LITAF: variants seen among roughly 807,000 people sequenced by gnomAD.
The protein encoded by LITAF is lipopolysaccharide induced TNF factor, also known as lipopolysaccharide-induced tumor necrosis factor-alpha factor.
LITAF carries 9 observed loss-of-function variants against 14.5 expected under a neutral mutation model. The ratio of observed to expected loss-of-function variants is 0.62; its 90% CI spans 0.37 to 1.08. LITAF has a LOEUF of 1.08. Ranked by LOEUF, LITAF falls within the 50% of genes least tolerant of loss-of-function variation. LITAF has a pLI of 0.01. For missense variants in LITAF, 206 were observed against 213.4 expected, an observed-to-expected ratio of 0.97 and a Z score of 0.22; for synonymous variants, 98 against 88.2, an observed-to-expected ratio of 1.11 and a Z score of -0.62.
intron 1 of LITAF, among the ~76,000 whole-genome samples, chr16:11,566,792 G>A (rs2064457965): frequency 6.7e-6 from 1 of 149,872 alleles, no homozygotes; most frequent in Non-Finnish European, 1.5e-5. Flanking sequence ...CTCTACCTTG[G>A]GTTAAAAAAA....
rs779324905 is a variant in LITAF at position 11,548,896 on chromosome 16, G to A, written c.*741C>T. ...AAAACTGTTCATATAATTACTCTAT[G>A]AGAAAAAAATCCCTGTATGGAAAGG... is the stretch of plus-strand genomic sequence containing the variant. On this transcript the variant is annotated 3_prime_UTR_variant, in exon 4 of 4. Transcript: ENST00000622633. The A allele has an allele frequency of 3.5e-5, 16 of 453,680 alleles. No homozygotes were observed. The highest frequency in any genetic ancestry group is 2.3e-4 in the South Asian group (15 of 64,458). The allele number at this position is 453,680 out of a possible 1,614,324, so 28.1% of individuals were successfully genotyped here.
At chr16:11,625,865 T>C (rs1179265891) in intron 3 of LITAF, among the ~76,000 whole-genome samples, 1 of 152,088 alleles carries the variant, frequency 6.6e-6, no homozygotes, top group East Asian at 1.9e-4. Context: ...CCCTAAGCTC[T>C]TGGAGCCTCA....
intron 3 of LITAF, among the ~76,000 whole-genome samples, chr16:11,603,609 A>G (rs1300320311): frequency 6.6e-6 from 1 of 152,252 alleles, no homozygotes; most frequent in African/African-American, 2.4e-5. Context: ...CCTAGCAGAC[A>G]GAGCAATGCG....
At chr16:11,568,985 C>G (rs917220456) in intron 1 of LITAF, among the ~76,000 whole-genome samples, 2 of 152,014 alleles carry the variant, frequency 1.3e-5, no homozygotes, top group Non-Finnish European at 2.9e-5. Flanking sequence ...CAGCCTGACA[C>G]CACTGTCAAA....
At chr16:11,585,477 T>G (rs1346759891) in intron 1 of LITAF, among the ~76,000 whole-genome samples, 1 of 152,084 alleles carries the variant, frequency 6.6e-6, no homozygotes, top group Non-Finnish European at 1.5e-5. Context: ...GAAAGCCAAG[T>G]GCAATATGGG....
chr16:11,625,409 C>T (rs1485781498), intron 3 of LITAF, among the ~76,000 whole-genome samples: 1 of 151,976 alleles, frequency 6.6e-6, no homozygotes, highest in African/African-American at 2.4e-5. Flanking sequence ...ACTACAGGCA[C>T]GTACCACCAT....
intron 1 of LITAF, among the ~76,000 whole-genome samples, chr16:11,580,246 T>G (rs2141827395): frequency 6.6e-6 from 1 of 151,880 alleles, no homozygotes; most frequent in East Asian, 1.9e-4. Context: ...CATAGGACCC[T>G]CATCAACCAG....
chr16:11,571,635 C>T (rs1386526511), intron 1 of LITAF, among the ~76,000 whole-genome samples: 1 of 152,164 alleles, frequency 6.6e-6, no homozygotes, highest in Non-Finnish European at 1.5e-5. Context: ...GTCTGCCCGC[C>T]CTGGGCTCAG....
In LITAF at chr16:11,549,484, GT is replaced by G. The variant is rs1370439629; in HGVS notation, c.*152del. 6 of 691,416 alleles carry G rather than the reference GT, an allele frequency of 8.7e-6. No individual in the cohort carries two copies. The highest frequency in any genetic ancestry group is 4.1e-5 in the Admixed American group (2 of 49,138). The allele number at this position is 691,416 out of a possible 1,614,324, so 42.8% of individuals were successfully genotyped here. On this transcript the variant is annotated 3_prime_UTR_variant, in exon 4 of 4. Coordinates refer to ENST00000622633, the MANE Select transcript of LITAF (RefSeq NM_001136472.2). This position sits in a 1 kb window ranked among gnomAD's most constrained non-coding sequence, Gnocchi z 4.6. ...ATTTCTGGGGTTTGGAGATTTGTTA[GT>G]TTTGCGACGTATTCCCCCCAAAAGA...
rs377614230 is a variant in LITAF, at chr16:11,616,010, C to A, written c.85+17523G>T. ...ATCAATTATGCCTACGTCACGAAAC[C>A]TTGATAAGAACCACTAGATAGGTTT... On this transcript the variant is annotated intron_variant, in intron 3 of 3. Coordinates refer to the LITAF transcript ENST00000574848. Among the ~76,000 whole-genome samples the A allele has an allele frequency of 9.2e-5, 14 of 152,224 alleles. No individual in the cohort carries two copies. In the East Asian group the frequency reaches 2.5e-3, roughly 27 times the overall value.
In LITAF at chr16:11,556,620, T is replaced by C; in HGVS notation, c.111A>G (p.Pro37=). The change falls in exon 2 of 4, where the codon CCA becomes CCG. Residue 37 remains proline (P), a synonymous_variant. Transcript: ENST00000622633. ...CCGTAGTTGGCCCAGGCATGGGAGC[T>C]GGAGGTGTGGGGTAATAACTGTTAA... is the stretch of plus-strand genomic sequence containing the variant. The part of the protein sequence containing the change: ...VAVNSYYPTP[P]APMPGPTTGL... The C allele has an allele frequency of 2.5e-6, 4 of 1,614,178 alleles. No homozygotes were observed. The highest frequency in any genetic ancestry group is 4.5e-5 in the East Asian group (2 of 44,876).
intron 3 of LITAF, among the ~76,000 whole-genome samples, chr16:11,623,359 G>T (rs2065062998): frequency 1.3e-5 from 2 of 151,780 alleles, no homozygotes. Flanking sequence ...GAGCACAAAT[G>T]CCATCATCAA....
In LITAF at chr16:11,566,750, C is replaced by A. The variant is rs532533613; in HGVS notation, c.-5-10015G>T. On this transcript the variant is annotated intron_variant, in intron 1 of 3. Coordinates refer to ENST00000622633, the MANE Select transcript of LITAF (RefSeq NM_001136472.2). ...TAGTGCCACTGCAATTCAGCCTGGGCAGGGGTAGGGGGGCGCATGGACAGA... is the reference window on the plus strand; with the variant it reads ...TAGTGCCACTGCAATTCAGCCTGGGAAGGGGTAGGGGGGCGCATGGACAGA... 3.3e-5 allele frequency among the ~76,000 whole-genome samples: 5 copies of A among 150,124 alleles called. No homozygotes were observed. In the East Asian group the frequency reaches 9.8e-4, roughly 29 times the overall value.
rs370560228 is a variant in LITAF, at chr16:11,607,534, G to A, written c.85+25999C>T. Among the ~76,000 whole-genome samples the A allele has an allele frequency of 4.6e-5, 7 of 150,812 alleles. No homozygotes were observed. The East Asian group carries it at 1.2e-3, about 25-fold the overall frequency. ...CTGAAAGTAGTGTGCTTTAATATGG[G>A]TATCATTCGGGAAAAAAAAAAAAAG... is the stretch of plus-strand genomic sequence containing the variant. On this transcript the variant is annotated intron_variant, in intron 3 of 3. Coordinates refer to the LITAF transcript ENST00000574848.
At chr16:11,570,899 C>A (rs1228198310) in intron 1 of LITAF, among the ~76,000 whole-genome samples, 1 of 151,784 alleles carries the variant, frequency 6.6e-6, no homozygotes, top group African/African-American at 2.4e-5. Context: ...GCCTGGGCAA[C>A]AGAGCAAGAC....
intron 3 of LITAF, among the ~76,000 whole-genome samples, chr16:11,603,993 G>C (rs1048522426): frequency 1.3e-5 from 2 of 152,074 alleles, no homozygotes; most frequent in Admixed American, 1.3e-4. Flanking sequence ...CTTTCAGTGA[G>C]CCAAGATCAC....
At position 11,586,204 on chromosome 16, in the gene LITAF, G is replaced by GT. The variant is rs398100090; in HGVS notation, c.-6+681dup. The stretch of plus-strand genomic sequence containing the variant: ...GGCCCAGAGCTGGGTGCCATCAGCA[G>GT]TAAGAGGACCCCTGCGCTCGCGGGG... On this transcript the variant is annotated intron_variant, in intron 1 of 3. Transcript: ENST00000622633. This position sits in a 1 kb window ranked among gnomAD's most constrained non-coding sequence, Gnocchi z 6.5. 0.023 allele frequency: 3,447 copies of GT among 152,402 alleles called. 95 individuals are homozygous for GT. Among genetic ancestry groups the GT allele is most frequent in the East Asian group, 0.097 (499 of 5,132 alleles). 9.4% of individuals were successfully genotyped at this position (152,402 alleles called of 1,614,324 possible). A position where few individuals can be genotyped will look rare whatever the true frequency, so the allele number is the denominator to read the frequency against.
upstream of LITAF, among the ~76,000 whole-genome samples, chr16:11,602,760 CAAAAAA>C (rs35880448): frequency 2.6e-5 from 3 of 114,224 alleles, no homozygotes; most frequent in African/African-American, 6.9e-5. Flanking sequence ...TGGCTTGTTG[CAAAAAA>C]AAAAAAAAAA....
At chr16:11,580,720 C>G (rs1197209302) in intron 1 of LITAF, among the ~76,000 whole-genome samples, 1 of 152,306 alleles carries the variant, frequency 6.6e-6, no homozygotes, top group Non-Finnish European at 1.5e-5. Context: ...CCTTACCCTT[C>G]TATAACCTAT....
Sources: allele counts gnomAD v4.1 joint callset (sites outside exome capture counted in the v4.1 genomes callset), GRCh38; gene constraint gnomAD v4.1.1; non-coding constraint Gnocchi (gnomAD v3.1); transcripts MANE v1.5; gene names NCBI Gene and HGNC (gene_info 2026-07-23, HGNC 2026-07-21).